LRBA: variants seen among roughly 807,000 people sequenced by gnomAD.
The protein encoded by LRBA is lipopolysaccharide-responsive and beige-like anchor protein.
LRBA carries 176 observed loss-of-function variants against 330.0 expected under a neutral mutation model. The ratio of observed to expected loss-of-function variants is 0.53; its 90% CI spans 0.47 to 0.60. The LOEUF (loss-of-function observed/expected upper bound fraction) is 0.60, where lower values mean the gene tolerates loss of function less well. Ranked by LOEUF, LRBA falls within the 20% of genes least tolerant of loss-of-function variation. The pLI is 0.00. For synonymous variants in LRBA, 1,230 were observed against 1,193.0 expected, an observed-to-expected ratio of 1.03 and a Z score of -0.64; for missense variants, 3,259 against 3,444.8, an observed-to-expected ratio of 0.95 and a Z score of 1.35.
intron 34 of LRBA, 107 bp downstream of exon 34, chr4:150,797,974 C>T (rs1741040354): frequency 1.4e-6 from 1 of 700,138 alleles, no homozygotes; most frequent in African/African-American, 1.8e-5. Flanking sequence ...AGCAAACTCA[C>T]AATTTTATTA....
chr4:150,357,426 C>T (rs1475806834), intron 47 of LRBA, among the ~76,000 whole-genome samples: 1 of 151,964 alleles, frequency 6.6e-6, no homozygotes, highest in African/African-American at 2.4e-5. Flanking sequence ...AAGGATTAGA[C>T]AAACTTGTAC....
chr4:150,785,122 G>T (rs1183331775), intron 34 of LRBA, among the ~76,000 whole-genome samples: 1 of 152,140 alleles, frequency 6.6e-6, no homozygotes, highest in Non-Finnish European at 1.5e-5. Context: ...GGATAATTTG[G>T]TGGGGAGGAG....
intron 42 of LRBA, among the ~76,000 whole-genome samples, chr4:150,481,424 C>G (rs934925843): frequency 6.6e-6 from 1 of 152,020 alleles, no homozygotes; most frequent in Admixed American, 6.6e-5. Flanking sequence ...TAATTTAATA[C>G]ATTATATTAA....
At chr4:150,833,392 T>C (rs1044116827) in intron 28 of LRBA, among the ~76,000 whole-genome samples, 1 of 151,964 alleles carries the variant, frequency 6.6e-6, no homozygotes, top group Non-Finnish European at 1.5e-5. Flanking sequence ...AAATTTAAAA[T>C]AAGAACATGA....
intron 37 of LRBA, among the ~76,000 whole-genome samples, chr4:150,617,846 C>T (rs2126611174): frequency 6.6e-6 from 1 of 152,246 alleles, no homozygotes; most frequent in South Asian, 2.1e-4. Flanking sequence ...TGGCTCATGA[C>T]TGAAATCCCA....
rs537851475 is a variant in LRBA, at chr4:150,614,840, T to C, written c.5922-15709A>G. Reference sequence around the variant, plus strand: ...AAAAGCAATGTGTTCCCTGGCTGGGTAGCCATTTCCCAGCAAAACTTTAAA... The same window carrying C: ...AAAAGCAATGTGTTCCCTGGCTGGGCAGCCATTTCCCAGCAAAACTTTAAA... On this transcript the variant is annotated intron_variant, in intron 37 of 56. Transcript: ENST00000651943. 1.1e-4 allele frequency among the ~76,000 whole-genome samples: 16 copies of C among 152,310 alleles called. 1 individual carries two copies. The East Asian group carries it at 3.1e-3, about 29-fold the overall frequency.
At chr4:150,453,193 G>A (rs1462524502) in intron 44 of LRBA, among the ~76,000 whole-genome samples, 1 of 151,864 alleles carries the variant, frequency 6.6e-6, no homozygotes, top group Non-Finnish European at 1.5e-5. Flanking sequence ...GAAATTAACA[G>A]GAAGCAAAAA....
At chr4:150,496,457 C>T (rs1304080425) in intron 40 of LRBA, among the ~76,000 whole-genome samples, 8 of 151,730 alleles carry the variant, frequency 5.3e-5, no homozygotes, top group African/African-American at 1.9e-4. Flanking sequence ...TAAAGCCAAT[C>T]CTTTAAGTGA....
chr4:150,814,207 A>T lies in LRBA; in HGVS notation c.5305+2917T>A, dbSNP rs182805136. On this transcript the variant is annotated intron_variant, in intron 31 of 56. Coordinates refer to ENST00000651943, the MANE Select transcript of LRBA (RefSeq NM_001364905.1). ...ATTTATCTACTTATTTTAATGGCAG[A>T]TAACTTAAATCGAGAGACCCACCAA... Among the ~76,000 whole-genome samples the T allele has an allele frequency of 6.6e-5, 10 of 152,214 alleles. No homozygotes were observed. The East Asian group carries it at 1.3e-3, about 21-fold the overall frequency.
rs750801397 is a variant in LRBA, at chr4:150,828,361, T to C, written c.4990A>G (p.Thr1664Ala). Residue 1664 changes from threonine to alanine, a missense_variant, in exon 30 of 57, where the codon ACT becomes GCT. Coordinates refer to ENST00000651943, the MANE Select transcript of LRBA (RefSeq NM_001364905.1). ...ACTGAAACTGACGGTGTAGCCTTAG[T>C]GTCCAAGTCATTTCCTCTATCATTT... Reference protein sequence around the residue: ...TKNDRGNDLDTKATPSVSVSK... With the variant: ...TKNDRGNDLDAKATPSVSVSK... The C allele has an allele frequency of 2.5e-6, 4 of 1,614,152 alleles. No homozygotes were observed. Among genetic ancestry groups the C allele is most frequent in the African/African-American group, 1.3e-5 (1 of 75,030 alleles).
intron 46 of LRBA, among the ~76,000 whole-genome samples, chr4:150,429,147 A>G (rs1210955582): frequency 1.3e-5 from 2 of 152,050 alleles, no homozygotes. Flanking sequence ...AAGAAATATG[A>G]AGTCAGGGAG....
chr4:150,967,078 T>C (rs1252476785), intron 2 of LRBA, among the ~76,000 whole-genome samples: 1 of 152,226 alleles, frequency 6.6e-6, no homozygotes, highest in Non-Finnish European at 1.5e-5. Context: ...AAAGTCTAAT[T>C]TAATTTGTTT....
At chr4:150,960,556 C>T (rs1321300350) in intron 2 of LRBA, among the ~76,000 whole-genome samples, 1 of 148,750 alleles carries the variant, frequency 6.7e-6, no homozygotes, top group East Asian at 1.9e-4. Context: ...TACATAATTA[C>T]AAATAAATAA....
In LRBA at chr4:150,278,039, T is replaced by A. The variant is rs765192387; in HGVS notation, c.8317-35A>T. 11 of 1,600,772 alleles carry A rather than the reference T, an allele frequency of 6.9e-6. No homozygotes were observed. In the African/African-American group the frequency reaches 9.4e-5, roughly 14 times the overall value. On this transcript the variant is annotated intron_variant, in intron 55 of 56. Coordinates refer to ENST00000651943, the MANE Select transcript of LRBA (RefSeq NM_001364905.1). ...ACAGCAACATTCAGTAGAAATGTGG[T>A]TCTAGGAAACTTTCGGCCCCCACCC...
intron 40 of LRBA, among the ~76,000 whole-genome samples, chr4:150,564,721 A>C (rs984578973): frequency 1.3e-5 from 2 of 152,220 alleles, no homozygotes; most frequent in African/African-American, 2.4e-5. Context: ...AAGTGGGCAA[A>C]GGATATGAAC....
At chr4:150,820,475 A>G (rs1288957349) in intron 30 of LRBA, among the ~76,000 whole-genome samples, 1 of 152,060 alleles carries the variant, frequency 6.6e-6, no homozygotes, top group African/African-American at 2.4e-5. Flanking sequence ...CTAACATATA[A>G]AATTATTTAT....
At chr4:151,006,387 T>C (rs1744079822) in intron 2 of LRBA, among the ~76,000 whole-genome samples, 1 of 152,030 alleles carries the variant, frequency 6.6e-6, no homozygotes. Context: ...TTCCTAAAGA[T>C]TGTACTTTTA....
At chr4:150,604,462 A>G (rs1213851531) in intron 37 of LRBA, among the ~76,000 whole-genome samples, 1 of 152,156 alleles carries the variant, frequency 6.6e-6, no homozygotes, top group Non-Finnish European at 1.5e-5. Flanking sequence ...GCCAGTTAAC[A>G]TGGTATGAAT....
chr4:150,698,482 C>T (rs1265936154), intron 36 of LRBA, among the ~76,000 whole-genome samples: 1 of 152,164 alleles, frequency 6.6e-6, no homozygotes, highest in African/African-American at 2.4e-5. Context: ...AAACACTCTT[C>T]CAGTTTGGAT....
Sources: gnomAD v4.1 joint callset for allele counts (sites outside exome capture counted in the v4.1 genomes callset) on GRCh38, gnomAD v4.1.1 for gene constraint, MANE v1.5 for transcripts, NCBI Gene and HGNC (gene_info 2026-07-23, HGNC 2026-07-21) for gene names.